Variants in DMD observed in about 807,000 individuals in gnomAD.
DMD encodes the protein mutant dystrophin.
DMD carries 63 observed loss-of-function variants against 330.1 expected under a neutral mutation model. The observed-to-expected ratio is 0.19, with a 90% CI of 0.16 to 0.24. The LOEUF is 0.24. DMD is among the 10% of genes least tolerant of loss of function. The probability of loss-of-function intolerance (pLI) is 1.00; values close to 1 mark genes in which losing one functional copy is unlikely to be tolerated. For missense variants in DMD, 3,344 were observed against 2,684.1 expected (o/e 1.25, Z -5.43); for synonymous variants, 1,223 against 959.8 (o/e 1.27, Z -5.07).
intron 55 of DMD, among the ~76,000 whole-genome samples, chrX:31,626,749 T>C (rs1411614420): frequency 8.9e-6 from 1 of 112,234 alleles, no homozygotes; most frequent in Non-Finnish European, 1.9e-5. Flanking sequence ...TCTGGAATTA[T>C]TCAAACTAGA....
At chrX:31,896,926 T>C (rs1176789023) in intron 47 of DMD, among the ~76,000 whole-genome samples, 1 of 111,438 alleles carries the variant, frequency 9.0e-6, no homozygotes, top group Admixed American at 9.5e-5. Context: ...CTTTTTTTTT[T>C]CTTTTATTAT....
chrX:31,600,171 G>C (rs772434503), intron 55 of DMD, among the ~76,000 whole-genome samples: 6 of 112,067 alleles, frequency 5.4e-5, no homozygotes, highest in Admixed American at 1.9e-4. Context: ...GGACTCAAGT[G>C]ATCTGCCTGC....
chrX:33,215,581 C>T (rs1024103386), upstream of DMD, among the ~76,000 whole-genome samples: 1 of 111,338 alleles, frequency 9.0e-6, no homozygotes, highest in Non-Finnish European at 1.9e-5. Flanking sequence ...GGGACTTAGT[C>T]ATAAATTCTT....
chrX:31,689,615 A>T lies in DMD; in HGVS notation c.7661-10029T>A, dbSNP rs755420212. 1.9e-3 allele frequency among the ~76,000 whole-genome samples: 207 copies of T among 111,596 alleles called. 3 individuals are homozygous for T. The highest frequency in any genetic ancestry group is 6.3e-3 in the African/African-American group (193 of 30,640). ...GACTTTCTTCACAGAATTGGAAAAA[A>T]CTACTTTAAAGTTCATATGGAACCA... On this transcript the variant is annotated intron_variant, in intron 52 of 78. Coordinates refer to ENST00000357033, the MANE Select transcript of DMD (RefSeq NM_004006.3).
At chrX:32,038,182 C>A (rs1464644589) in intron 44 of DMD, among the ~76,000 whole-genome samples, 2 of 111,412 alleles carry the variant, frequency 1.8e-5, no homozygotes, top group Non-Finnish European at 3.8e-5. Flanking sequence ...AAAATAAATC[C>A]TCATATAATA....
At chrX:32,463,030 A>G (rs1297496444) in intron 25 of DMD, among the ~76,000 whole-genome samples, 2 of 111,987 alleles carry the variant, frequency 1.8e-5, no homozygotes, top group African/African-American at 6.5e-5. Flanking sequence ...GAAAGTTATA[A>G]TTATTTATCC....
chrX:33,140,761 C>T (rs368007992), intron 1 of DMD, among the ~76,000 whole-genome samples: 1 of 112,179 alleles, frequency 8.9e-6, no homozygotes, highest in East Asian at 2.8e-4. Flanking sequence ...ACACTTTCCC[C>T]TGTATAAGTA....
At chrX:32,363,398 C>A (rs1024546585) in intron 36 of DMD, among the ~76,000 whole-genome samples, 1 of 111,667 alleles carries the variant, frequency 9.0e-6, no homozygotes, top group South Asian at 3.7e-4. Flanking sequence ...CTTTTCTATT[C>A]CTTCCTAGCA....
chrX:32,694,760 G>C (rs2063524489), intron 9 of DMD, among the ~76,000 whole-genome samples: 1 of 111,611 alleles, frequency 9.0e-6, no homozygotes, highest in Non-Finnish European at 1.9e-5. Flanking sequence ...GGGTTCAAGT[G>C]ATTCTCCTGC....
At chrX:33,060,058 C>T (rs1314331895) in intron 1 of DMD, among the ~76,000 whole-genome samples, 1 of 111,576 alleles carries the variant, frequency 9.0e-6, no homozygotes, top group African/African-American at 3.3e-5. Context: ...TTCAATGTCA[C>T]TTGCTGAATC....
chrX:31,934,222 G>A (rs1265548882), intron 45 of DMD, among the ~76,000 whole-genome samples: 1 of 111,728 alleles, frequency 9.0e-6, no homozygotes, highest in East Asian at 2.8e-4. Flanking sequence ...AGATCAGCAT[G>A]TTGCAGGAAT....
intron 1 of DMD, among the ~76,000 whole-genome samples, chrX:33,244,657 G>C (rs764899075): frequency 1.3e-3 from 140 of 111,399 alleles, no homozygotes; most frequent in Non-Finnish European, 2.1e-3. Context: ...AGTAGGCAAG[G>C]TCTCAGATTT....
At chrX:32,477,728 T>C (rs1473989611) in intron 21 of DMD, among the ~76,000 whole-genome samples, 1 of 105,670 alleles carries the variant, frequency 9.5e-6, no homozygotes, top group Non-Finnish European at 1.9e-5. Flanking sequence ...AACACTTTAC[T>C]GAAAAAAAAA....
chrX:31,548,239 T>C (rs1466384481), intron 55 of DMD, among the ~76,000 whole-genome samples: 2 of 111,873 alleles, frequency 1.8e-5, no homozygotes, highest in Non-Finnish European at 3.8e-5. Context: ...ACCTGGGAGC[T>C]GGTTAGCAAT....
At chrX:32,555,203 C>T (rs945238110) in intron 16 of DMD, among the ~76,000 whole-genome samples, 2 of 111,653 alleles carry the variant, frequency 1.8e-5, no homozygotes, top group Admixed American at 1.9e-4. Flanking sequence ...ACAAAAACCA[C>T]ATGACTATCT....
chrX:31,368,021 C>T (rs772683271), intron 60 of DMD, among the ~76,000 whole-genome samples: 3 of 111,894 alleles, frequency 2.7e-5, no homozygotes, highest in African/African-American at 9.7e-5. Context: ...ACCTGTGATT[C>T]CAGTGTCAGC....
chrX:32,805,373 G>A (rs1487423626), intron 7 of DMD, among the ~76,000 whole-genome samples: 2 of 111,551 alleles, frequency 1.8e-5, no homozygotes, highest in Non-Finnish European at 3.8e-5. Flanking sequence ...AGAGATTGAA[G>A]ATCAACTTAA....
At chrX:31,129,950 G>T (rs1012705568) in intron 77 of DMD, among the ~76,000 whole-genome samples, 1 of 111,718 alleles carries the variant, frequency 9.0e-6, no homozygotes, top group African/African-American at 3.3e-5. Flanking sequence ...TTTGAGAGGG[G>T]ATGGTATGAA....
intron 37 of DMD, among the ~76,000 whole-genome samples, chrX:32,354,957 G>A (rs3788902): frequency 0.011 from 1,179 of 111,185 alleles, 50 homozygotes; most frequent in Admixed American, 0.095. Context: ...AATTAAAAGA[G>A]GAAAACATTT....
Sources: gnomAD v4.1 joint callset for allele counts (sites outside exome capture counted in the v4.1 genomes callset) on GRCh38, gnomAD v4.1.1 for gene constraint, MANE v1.5 for transcripts, NCBI Gene and HGNC (gene_info 2026-07-23, HGNC 2026-07-21) for gene names.